RUNX1T1: variants seen among roughly 807,000 people sequenced by gnomAD.
RUNX1T1 encodes protein CBFA2T1.
A neutral mutation model predicts 62.8 loss-of-function variants in RUNX1T1; 4 were observed. That is an observed-to-expected ratio of 0.06 (90% CI 0.03 to 0.15). The LOEUF (loss-of-function observed/expected upper bound fraction) is 0.15, where lower values mean the gene tolerates loss of function less well. RUNX1T1 is among the 10% of genes least tolerant of loss of function. RUNX1T1 has a pLI of 1.00. For missense variants in RUNX1T1, 508 were observed against 754.3 expected (o/e 0.67, Z 3.82); for synonymous variants, 291 against 286.0 (o/e 1.02, Z -0.18).
chr8:92,015,318 G>GT (rs1203856773), intron 2 of RUNX1T1, among the ~76,000 whole-genome samples: 1 of 152,142 alleles, frequency 6.6e-6, no homozygotes, highest in Non-Finnish European at 1.5e-5. Context: ...GGACTTTCAA[G>GT]TTTTAACCTT....
upstream of RUNX1T1, among the ~76,000 whole-genome samples, chr8:92,067,831 C>A (rs541395623): frequency 1.3e-4 from 20 of 152,212 alleles, no homozygotes; most frequent in Middle Eastern, 3.5e-3. Flanking sequence ...AGTGCCAATG[C>A]CTTTAAAATA....
chr8:92,086,959 T>C (rs1836227474), intron 1 of RUNX1T1, among the ~76,000 whole-genome samples: 1 of 152,190 alleles, frequency 6.6e-6, no homozygotes, highest in Non-Finnish European at 1.5e-5. Context: ...GACCAACTCT[T>C]TGCAAACATA....
exon 1 of RUNX1T1, chr8:92,062,567 T>C (rs758310671): frequency 6.2e-7 from 1 of 1,614,056 alleles, no homozygotes; most frequent in Non-Finnish European, 8.5e-7. Flanking sequence ...GAATCCAGCG[T>C]ACCACACAGA....
At chr8:91,974,504 G>A (rs1049731284) in intron 9 of RUNX1T1, among the ~76,000 whole-genome samples, 3 of 152,022 alleles carry the variant, frequency 2.0e-5, no homozygotes, top group Admixed American at 2.0e-4. Flanking sequence ...TGAACATAAA[G>A]TCACCCTTCT....
intron 10 of RUNX1T1, among the ~76,000 whole-genome samples, chr8:91,960,729 A>C (rs1340298293): frequency 4.6e-5 from 7 of 152,230 alleles, no homozygotes; most frequent in Admixed American, 4.6e-4. Context: ...GCCAACAACT[A>C]CTATGGCATC....
intron 1 of RUNX1T1, among the ~76,000 whole-genome samples, chr8:92,062,136 T>A (rs759943515): frequency 6.6e-6 from 1 of 152,034 alleles, no homozygotes; most frequent in African/African-American, 2.4e-5. Flanking sequence ...AGAGATCTTA[T>A]TCCAGGATTC....
At chr8:91,956,397 ACT>A (rs747379044), downstream of RUNX1T1, 88 of 229,710 alleles carry the variant, frequency 3.8e-4, 1 homozygote, top group Non-Finnish European at 4.2e-4. Flanking sequence ...AGCTGAATAA[ACT>A]CTACAGATTT....
chr8:91,996,404 T>C (rs1241561747), intron 5 of RUNX1T1, among the ~76,000 whole-genome samples: 1 of 152,160 alleles, frequency 6.6e-6, no homozygotes, highest in African/African-American at 2.4e-5. Context: ...GGTTTCACCC[T>C]GTTAGCCAGG....
At chr8:92,070,840 T>A (rs1386453747) in intron 2 of RUNX1T1, among the ~76,000 whole-genome samples, 2 of 152,214 alleles carry the variant, frequency 1.3e-5, no homozygotes, top group African/African-American at 4.8e-5. Context: ...CATGACAGAA[T>A]CCTAATGAAG....
At chr8:92,033,200 A>G (rs1224034316) in intron 1 of RUNX1T1, among the ~76,000 whole-genome samples, 1 of 152,220 alleles carries the variant, frequency 6.6e-6, no homozygotes, top group East Asian at 1.9e-4. Flanking sequence ...CAGCCTAACT[A>G]TTCAACAATA....
intron 7 of RUNX1T1, 66 bp downstream of exon 8, chr8:91,986,821 T>G (rs1271649154): frequency 1.5e-5 from 15 of 1,020,250 alleles, no homozygotes; most frequent in Non-Finnish European, 2.3e-5. Flanking sequence ...TTTTATTTTA[T>G]CACATAACCT....
At chr8:92,007,342 C>G (rs1820987035) in intron 4 of RUNX1T1, among the ~76,000 whole-genome samples, 1 of 151,894 alleles carries the variant, frequency 6.6e-6, no homozygotes, top group African/African-American at 2.4e-5. Flanking sequence ...TGGCACGCAC[C>G]TGTAATCCCA....
Position 91,960,038 on chromosome 8 carries a change from A to G in RUNX1T1, c.*204T>C, listed in dbSNP as rs1810084163. 3 of 598,894 alleles carry G rather than the reference A, an allele frequency of 5.0e-6. No homozygotes were observed. In the South Asian group the frequency reaches 6.1e-5, roughly 12 times the overall value. 37.1% of individuals were successfully genotyped at this position (598,894 alleles called of 1,614,324 possible). On this transcript the variant is annotated 3_prime_UTR_variant, in exon 11 of 11. Transcript: ENST00000396218. ...AGAAAAGATATCTTTGTTATCCACAATAAGTCATTACGACCCGTTACTGGC... is the reference window on the plus strand; with the variant it reads ...AGAAAAGATATCTTTGTTATCCACAGTAAGTCATTACGACCCGTTACTGGC...
chr8:92,074,540 T>C (rs1319582882), intron 2 of RUNX1T1, among the ~76,000 whole-genome samples: 1 of 152,220 alleles, frequency 6.6e-6, no homozygotes, highest in African/African-American at 2.4e-5. Flanking sequence ...CCAAGCTTAA[T>C]GTGGAAGCCC....
intron 1 of RUNX1T1, among the ~76,000 whole-genome samples, chr8:92,034,426 A>T (rs1383662326): frequency 1.3e-5 from 2 of 152,132 alleles, no homozygotes; most frequent in African/African-American, 2.4e-5. Flanking sequence ...CTAAAAGTTG[A>T]GGCCTCTGGA....
intron 8 of RUNX1T1, among the ~76,000 whole-genome samples, chr8:91,982,715 G>T (rs555969990): frequency 6.6e-6 from 1 of 152,164 alleles, no homozygotes; most frequent in Non-Finnish European, 1.5e-5. Context: ...GTTTTCCCTG[G>T]AAAGTAAATG....
At chr8:91,955,291 T>C (rs1563568548), downstream of RUNX1T1, 1 of 223,982 alleles carries the variant, frequency 4.5e-6, no homozygotes, top group Non-Finnish European at 8.9e-6. Context: ...ACGGGTTCCA[T>C]TTCTATCTGC....
intron 1 of RUNX1T1, among the ~76,000 whole-genome samples, chr8:92,035,081 G>A (rs1052575556): frequency 6.6e-6 from 1 of 151,986 alleles, no homozygotes; most frequent in Non-Finnish European, 1.5e-5. Flanking sequence ...GATCACCTGA[G>A]GTCAGGAGTT....
chr8:92,033,411 G>C (rs185172547), intron 1 of RUNX1T1, among the ~76,000 whole-genome samples: 2 of 152,288 alleles, frequency 1.3e-5, no homozygotes, highest in African/African-American at 4.8e-5. Context: ...GACTAGAAGG[G>C]TACGTATAAT....
Sources: gnomAD v4.1 joint callset for allele counts (sites outside exome capture counted in the v4.1 genomes callset) on GRCh38, gnomAD v4.1.1 for gene constraint, MANE v1.5 for transcripts, NCBI Gene and HGNC (gene_info 2026-07-23, HGNC 2026-07-21) for gene names.